The following KLC1 variants were observed in gnomAD, a reference collection of about 807,000 sequenced individuals.
KLC1 encodes the protein kinesin light chain 1.
In KLC1, 30 loss-of-function variants were observed where a neutral mutation model predicts 84.2. That is an observed-to-expected ratio of 0.36 (90% confidence interval 0.27 to 0.48). The LOEUF (loss-of-function observed/expected upper bound fraction) is 0.48, where lower values mean the gene tolerates loss of function less well. KLC1 is among the 20% of genes least tolerant of loss of function. The probability of loss-of-function intolerance (pLI) is 0.99; values close to 1 mark genes in which losing one functional copy is unlikely to be tolerated. For synonymous variants in KLC1, 289 were observed against 293.3 expected (o/e 0.99, Z 0.15); for missense variants, 499 against 805.4 (o/e 0.62, Z 4.60).
intron 1 of KLC1, among the ~76,000 whole-genome samples, chr14:103,635,572 G>T (rs1177647881): frequency 6.6e-6 from 1 of 152,014 alleles, no homozygotes; most frequent in Non-Finnish European, 1.5e-5. Context: ...TGGCCAACAT[G>T]GGTGAAACCT....
intron 6 of KLC1, among the ~76,000 whole-genome samples, 174 bp downstream of exon 6, chr14:103,669,772 A>G (rs751815515): frequency 6.6e-6 from 1 of 152,234 alleles, no homozygotes. Context: ...GCCAGAGCAC[A>G]CTTAATTTGT....
Position 103,700,658 on chromosome 14 carries a change from G to A in KLC1, c.1852G>A (p.Val618Ile), listed in dbSNP as rs202197699. The change falls in exon 16 of 17, where the codon GTC becomes ATC. Residue 618 changes from valine to isoleucine, a missense_variant. This residue lies in a region of KLC1 where 167 missense variants were observed against 208.8 expected (regional missense o/e 0.80). Transcript: ENST00000334553. ...CTCGTCTGTGCTTCATCTCCAGGGC[G>A]TCTCTGGCCGAGCCTCTTTTTGTGG... is the stretch of plus-strand genomic sequence containing the variant. Reference protein sequence around the residue: ...GKAAEDRFQGVSGRASFCGKR... With the variant: ...GKAAEDRFQGISGRASFCGKR... The A allele has an allele frequency of 8.0e-5, 129 of 1,606,588 alleles. No homozygotes were observed. The East Asian group carries it at 2.0e-3, about 25-fold the overall frequency.
At position 103,654,663 on chromosome 14, in the gene KLC1, G is replaced by T; in HGVS notation, c.99G>T (p.Gln33His). 6.2e-7 allele frequency: 1 copy of T among 1,614,208 alleles called. No homozygotes were observed. Among genetic ancestry groups the T allele is most frequent in the Non-Finnish European group, 8.5e-7 (1 of 1,180,036 alleles). Residue 33 changes from glutamine to histidine, a missense_variant, in exon 2 of 17, where the codon CAG becomes CAT. This residue lies in a region of KLC1 where 179 missense variants were observed against 264.2 expected (regional missense o/e 0.68). Transcript: ENST00000334553. ...TTTCTAAGACAAAGCAAGTAATTCA[G>T]GGGCTGGAAGCTTTGAAGAATGAGC... ...EIISKTKQVI[Q>H]GLEALKNEHN...
chr14:103,673,780 G>A (rs541432634), intron 9 of KLC1, among the ~76,000 whole-genome samples: 44 of 152,256 alleles, frequency 2.9e-4, no homozygotes, highest in Non-Finnish European at 5.6e-4. Context: ...AAACTTAGCC[G>A]GGTGTGATGG....
intron 1 of KLC1, among the ~76,000 whole-genome samples, chr14:103,648,321 C>T (rs2078114020): frequency 6.6e-6 from 1 of 152,154 alleles, no homozygotes; most frequent in South Asian, 2.1e-4. Flanking sequence ...ATGCTACAGA[C>T]AGGATTTTAA....
At chr14:103,631,172 C>T (rs995996760) in intron 1 of KLC1, among the ~76,000 whole-genome samples, 1 of 152,010 alleles carries the variant, frequency 6.6e-6, no homozygotes, top group Admixed American at 6.6e-5. Context: ...GCTCCGCCTC[C>T]CGGGTTCACG....
In KLC1 at chr14:103,701,267, C is replaced by A. The variant is rs2083177814; in HGVS notation, c.*68C>A. ...GTGGCCCGGAGCTGGCCCGGGACAG[C>A]CAGGGCGGCAGGGAGGGCCCCTGGC... is the stretch of plus-strand genomic sequence containing the variant. On this transcript the variant is annotated 3_prime_UTR_variant, in exon 17 of 17. Coordinates refer to ENST00000334553, the MANE Select transcript of KLC1 (RefSeq NM_001394837.1). The A allele has an allele frequency of 5.2e-6, 8 of 1,526,200 alleles. No individual in the cohort carries two copies. The Admixed American group carries it at 1.6e-4, about 30-fold the overall frequency. The allele number at this position is 1,526,200 out of a possible 1,614,324, so 94.5% of individuals were successfully genotyped here. A position where few individuals can be genotyped will look rare whatever the true frequency, so the allele number is the denominator to read the frequency against.
intron 13 of KLC1, chr14:103,682,775 T>C (rs2081472822): frequency 6.7e-6 from 1 of 149,780 alleles, no homozygotes; most frequent in East Asian, 2.0e-4. Flanking sequence ...TGTATATGTA[T>C]GTATATGTAT....
Position 103,693,810 on chromosome 14 carries a change from T to A in KLC1, c.1848+1385T>A. The A allele has an allele frequency of 7.2e-7, 1 of 1,394,744 alleles. No homozygotes were observed. The highest frequency in any genetic ancestry group is 9.3e-7 in the Non-Finnish European group (1 of 1,077,614). The allele number at this position is 1,394,744 out of a possible 1,614,324, so 86.4% of individuals were successfully genotyped here. A position where few individuals can be genotyped will look rare whatever the true frequency, so the allele number is the denominator to read the frequency against. On this transcript the variant is annotated intron_variant, in intron 15 of 16. Coordinates refer to ENST00000334553, the MANE Select transcript of KLC1 (RefSeq NM_001394837.1). This position sits in a 1 kb window ranked among gnomAD's most constrained non-coding sequence, Gnocchi z 5.1. ...TGCCTCAGCATTCTGTTACTCGGCC[T>A]GCAGCCCCAGTGCCAGGAGCCACCC...
At chr14:103,646,033 C>T (rs763733677) in intron 1 of KLC1, among the ~76,000 whole-genome samples, 3 of 152,146 alleles carry the variant, frequency 2.0e-5, no homozygotes, top group Admixed American at 1.3e-4. Context: ...GCTGGGATTA[C>T]GGGCATGAGC....
At chr14:103,666,799 C>T (rs770490502) in intron 5 of KLC1, among the ~76,000 whole-genome samples, 58 of 118,622 alleles carry the variant, frequency 4.9e-4, no homozygotes, top group Admixed American at 1.1e-3. Context: ...TTTTTTGATA[C>T]GGAGTCTTGC....
chr14:103,687,623 G>A (rs544491526), intron 14 of KLC1: 6 of 153,410 alleles, frequency 3.9e-5, no homozygotes, highest in African/African-American at 1.2e-4. Flanking sequence ...TCAGATGTTA[G>A]CTATGACTAT....
At chr14:103,692,257 C>T (rs986043017) in intron 14 of KLC1, 102 bp from the exon 15 acceptor site, 31 of 1,039,848 alleles carry the variant, frequency 3.0e-5, no homozygotes, top group Non-Finnish European at 4.3e-5. Flanking sequence ...CTAGAGCCCC[C>T]AGTGTCACAG....
chr14:103,671,530 C>T (rs932152663), intron 7 of KLC1, among the ~76,000 whole-genome samples: 3 of 152,074 alleles, frequency 2.0e-5, no homozygotes, highest in Admixed American at 6.6e-5. Context: ...CCACAACACC[C>T]GGCTAATTTT....
At position 103,629,287 on chromosome 14, in the gene KLC1, CG is replaced by C. The variant is rs1168708574; in HGVS notation, c.-205del. Reference sequence around the variant, plus strand: ...GCTGGGCTGCTGGTGCGAGGAGCCGCGGGGCTGTGCTCGGCGGCCAAGGGGA... The same window carrying C: ...GCTGGGCTGCTGGTGCGAGGAGCCGCGGGCTGTGCTCGGCGGCCAAGGGGA... On this transcript the variant is annotated 5_prime_UTR_variant, in exon 1 of 17. Transcript: ENST00000334553. 1.3e-5 allele frequency: 2 copies of C among 153,124 alleles called. No individual in the cohort carries two copies. The highest frequency in any genetic ancestry group is 4.8e-5 in the African/African-American group (2 of 41,446). The allele number at this position is 153,124 out of a possible 1,614,324, so 9.5% of individuals were successfully genotyped here.
In KLC1 at chr14:103,654,591, G is replaced by A. The variant is rs990637379; in HGVS notation, c.27G>A (p.Val9=). 6.2e-7 allele frequency: 1 copy of A among 1,613,640 alleles called. No individual in the cohort carries two copies. Among genetic ancestry groups the A allele is most frequent in the Non-Finnish European group, 8.5e-7 (1 of 1,179,830 alleles). The change falls in exon 2 of 17, where the codon GTG becomes GTA. Residue 9 remains valine, a synonymous_variant. Transcript: ENST00000334553. ...TGTATGACAACATGTCCACAATGGT[G>A]TACATAAAGGAAGACAAGTTGGAGA... is the stretch of plus-strand genomic sequence containing the variant. MYDNMSTM[V]YIKEDKLEKL...
At chr14:103,663,849 C>T (rs901600279) in intron 5 of KLC1, among the ~76,000 whole-genome samples, 16 of 151,882 alleles carry the variant, frequency 1.1e-4, no homozygotes, top group African/African-American at 2.2e-4. Context: ...AGGAGGAGGA[C>T]GTGGAGGAAG....
At chr14:103,630,475 G>T (rs2076589081) in intron 1 of KLC1, among the ~76,000 whole-genome samples, 1 of 152,120 alleles carries the variant, frequency 6.6e-6, no homozygotes, top group African/African-American at 2.4e-5. Context: ...ACTATTTCAG[G>T]TGTTCTGTAA....
chr14:103,678,701 A>G (rs915690964), intron 12 of KLC1, among the ~76,000 whole-genome samples: 3 of 151,998 alleles, frequency 2.0e-5, no homozygotes, highest in Admixed American at 6.5e-5. Flanking sequence ...AAGAAAGAAA[A>G]AAAAAAAGAA....
Sources: gnomAD v4.1 joint callset for allele counts (sites outside exome capture counted in the v4.1 genomes callset) on GRCh38, gnomAD v4.1.1 for gene constraint, gnomAD v4.1.1 regional missense constraint, Gnocchi (gnomAD v3.1) non-coding constraint, MANE v1.5 for transcripts, NCBI Gene and HGNC (gene_info 2026-07-23, HGNC 2026-07-21) for gene names.